Variants in ARHGAP24 observed in about 807,000 individuals in gnomAD.
ARHGAP24 encodes rho GTPase-activating protein 24.
A neutral mutation model predicts 76.4 loss-of-function variants in ARHGAP24; 50 were observed. That is an observed-to-expected ratio of 0.65 (90% CI 0.52 to 0.83). The LOEUF (loss-of-function observed/expected upper bound fraction) is 0.83. ARHGAP24 is among the 40% of genes least tolerant of loss of function. The pLI is 0.00. For missense variants in ARHGAP24, 930 were observed against 914.2 expected (o/e 1.02, Z -0.22); for synonymous variants, 345 against 323.3 (o/e 1.07, Z -0.72).
At chr4:85,865,483 CAAA>C (rs1732143957) in intron 3 of ARHGAP24, among the ~76,000 whole-genome samples, 1 of 145,854 alleles carries the variant, frequency 6.9e-6, no homozygotes, top group African/African-American at 2.5e-5. Context: ...GTAGTATAAA[CAAA>C]TAATAAATAA....
chr4:85,550,941 A>G (rs4693705), intron 1 of ARHGAP24, among the ~76,000 whole-genome samples: 139,111 of 152,218 alleles, frequency 0.91, 64,763 homozygotes, highest in East Asian at 1. Context: ...CTGATACAAC[A>G]AGGTTTTATA....
intron 2 of ARHGAP24, among the ~76,000 whole-genome samples, chr4:85,698,072 A>G (rs929116125): frequency 2.6e-5 from 4 of 152,196 alleles, no homozygotes; most frequent in African/African-American, 9.7e-5. Context: ...AGAAGTGGGA[A>G]GGAAGACTAG....
intron 3 of ARHGAP24, among the ~76,000 whole-genome samples, chr4:85,755,559 A>C (rs1726444152): frequency 6.6e-6 from 1 of 151,170 alleles, no homozygotes. Context: ...CTCAGCTGTC[A>C]CCACTGCTTC....
intron 5 of ARHGAP24, among the ~76,000 whole-genome samples, chr4:85,955,624 T>C (rs1249193646): frequency 2.0e-5 from 3 of 152,172 alleles, no homozygotes; most frequent in Non-Finnish European, 2.9e-5. Context: ...AATTCTTATA[T>C]GCATGGTCCT....
At chr4:85,589,486 A>C (rs1240216364) in intron 2 of ARHGAP24, among the ~76,000 whole-genome samples, 1 of 152,212 alleles carries the variant, frequency 6.6e-6, no homozygotes, top group Non-Finnish European at 1.5e-5. Context: ...AGGAATTTTT[A>C]TTTGTTACAA....
intron 8 of ARHGAP24, among the ~76,000 whole-genome samples, chr4:85,980,377 A>T (rs1320364394): frequency 6.6e-6 from 1 of 152,168 alleles, no homozygotes; most frequent in Non-Finnish European, 1.5e-5. Flanking sequence ...TTACAGTTTT[A>T]TTCCCTTTCT....
At chr4:85,751,247 C>A (rs2110066815) in intron 3 of ARHGAP24, among the ~76,000 whole-genome samples, 1 of 152,038 alleles carries the variant, frequency 6.6e-6, no homozygotes, top group African/African-American at 2.4e-5. Flanking sequence ...TTTACTTATT[C>A]TTTTTAATAG....
At chr4:85,639,286 T>C (rs1471903730) in intron 2 of ARHGAP24, among the ~76,000 whole-genome samples, 1 of 152,180 alleles carries the variant, frequency 6.6e-6, no homozygotes, top group Admixed American at 6.6e-5. Context: ...AGTAAATTTT[T>C]TGTATTATTA....
intron 2 of ARHGAP24, among the ~76,000 whole-genome samples, chr4:85,612,083 T>TACAC (rs34030905): frequency 0.079 from 11,323 of 143,576 alleles, 559 homozygotes; most frequent in East Asian, 0.2. Context: ...TTCATTACAT[T>TACAC]ACACACACAC....
At chr4:85,869,750 T>C (rs1435499652) in intron 3 of ARHGAP24, among the ~76,000 whole-genome samples, 1 of 152,168 alleles carries the variant, frequency 6.6e-6, no homozygotes, top group East Asian at 1.9e-4. Flanking sequence ...ATTGAACATG[T>C]GTGTTAACTC....
At chr4:85,911,367 G>A (rs556518402) in intron 3 of ARHGAP24, among the ~76,000 whole-genome samples, 2 of 151,830 alleles carry the variant, frequency 1.3e-5, no homozygotes, top group East Asian at 3.9e-4. Context: ...AGCGGCCACT[G>A]CCATCAATAA....
rs79525959 is a variant in ARHGAP24, at chr4:85,923,435, C to T, written c.269-213C>T. ...AACCCAGGCTTTGTTTAGAAAATGA[C>T]ATTTGTTCTCCAGCTTTCTCCTGAA... On this transcript the variant is annotated intron_variant, in intron 3 of 9. Transcript: ENST00000395184. Among the ~76,000 whole-genome samples, 268 of 152,268 alleles carry T rather than the reference C, an allele frequency of 1.8e-3. 3 individuals are homozygous for T. Among genetic ancestry groups the T allele is most frequent in the African/African-American group, 6.3e-3 (263 of 41,556 alleles).
intron 2 of ARHGAP24, among the ~76,000 whole-genome samples, chr4:85,652,291 T>C (rs1015035814): frequency 1.3e-5 from 2 of 152,214 alleles, no homozygotes; most frequent in Non-Finnish European, 2.9e-5. Flanking sequence ...AATATGTTAG[T>C]GATTAGGAAT....
intron 3 of ARHGAP24, among the ~76,000 whole-genome samples, chr4:85,825,924 A>G (rs1409658509): frequency 6.6e-6 from 1 of 152,210 alleles, no homozygotes; most frequent in Non-Finnish European, 1.5e-5. Flanking sequence ...GACCATGCAG[A>G]TCTTGATTGT....
At chr4:85,840,580 GTTTTGC>G (rs1399072328) in intron 3 of ARHGAP24, among the ~76,000 whole-genome samples, 2 of 151,990 alleles carry the variant, frequency 1.3e-5, no homozygotes, top group African/African-American at 4.8e-5. Flanking sequence ...TGGATCCAGG[GTTTTGC>G]TTAGTTAGCA....
intron 1 of ARHGAP24, among the ~76,000 whole-genome samples, chr4:85,517,878 C>CA (rs1560517036): frequency 6.6e-6 from 1 of 152,084 alleles, no homozygotes; most frequent in African/African-American, 2.4e-5. Context: ...TTCTTTAAAA[C>CA]GTAAGAAGAA....
intron 3 of ARHGAP24, among the ~76,000 whole-genome samples, chr4:85,862,019 A>G (rs1319742526): frequency 3.3e-5 from 5 of 151,954 alleles, no homozygotes; most frequent in African/African-American, 9.7e-5. Context: ...GTTGCAGCCA[A>G]GTTTATTATT....
chr4:85,992,356 G>GAT (rs397829021), intron 8 of ARHGAP24, among the ~76,000 whole-genome samples: 140 of 151,994 alleles, frequency 9.2e-4, no homozygotes, highest in South Asian at 2.7e-3. Context: ...ATACAAGAGA[G>GAT]TTTAAATCTC....
At chr4:85,496,818 A>G (rs1427290776) in intron 1 of ARHGAP24, among the ~76,000 whole-genome samples, 1 of 152,262 alleles carries the variant, frequency 6.6e-6, no homozygotes, top group Admixed American at 6.5e-5. Flanking sequence ...CTTTTGGGAA[A>G]TTAATATTAC....
Sources: allele counts gnomAD v4.1 joint callset (sites outside exome capture counted in the v4.1 genomes callset), GRCh38; gene constraint gnomAD v4.1.1; transcripts MANE v1.5; gene names NCBI Gene and HGNC (gene_info 2026-07-23, HGNC 2026-07-21).